The following TAFA1 variants were observed in gnomAD, a reference collection of about 807,000 sequenced individuals.
TAFA1 encodes TAFA chemokine like family member 1.
TAFA1 carries 4 observed loss-of-function variants against 18.5 expected under a neutral mutation model. The observed-to-expected ratio is 0.22, with a 90% CI of 0.11 to 0.49. The LOEUF (loss-of-function observed/expected upper bound fraction) is 0.49. Among genes scored for constraint, TAFA1 ranks in the 20% least tolerant of loss-of-function variants. The probability of loss-of-function intolerance (pLI) is 0.98; values close to 1 mark genes in which losing one functional copy is unlikely to be tolerated. For missense variants in TAFA1, 147 were observed against 169.0 expected (o/e 0.87, Z 0.72); for synonymous variants, 56 against 55.2 (o/e 1.01, Z -0.06).
At chr3:68,291,433 G>GAGT (rs1367531308) in intron 2 of TAFA1, among the ~76,000 whole-genome samples, 2 of 152,072 alleles carry the variant, frequency 1.3e-5, no homozygotes, top group African/African-American at 4.8e-5. Context: ...AAAACAAGGT[G>GAGT]AGTAGTATTG....
At chr3:68,481,044 A>G (rs2072228298) in intron 3 of TAFA1, among the ~76,000 whole-genome samples, 1 of 152,226 alleles carries the variant, frequency 6.6e-6, no homozygotes, top group South Asian at 2.1e-4. Context: ...CTTCCCAGCC[A>G]TGTGGAACTG....
chr3:68,487,267 A>T (rs1451085410), intron 3 of TAFA1, among the ~76,000 whole-genome samples: 1 of 152,226 alleles, frequency 6.6e-6, no homozygotes, highest in Non-Finnish European at 1.5e-5. Context: ...AACCAGCATC[A>T]TCTTTTTTAT....
intron 2 of TAFA1, among the ~76,000 whole-genome samples, chr3:68,065,892 C>A (rs1192520236): frequency 6.6e-6 from 1 of 151,786 alleles, no homozygotes; most frequent in Non-Finnish European, 1.5e-5. Flanking sequence ...TGTGATATAT[C>A]CATACAATAG....
At chr3:68,050,027 G>A (rs1057125947) in intron 2 of TAFA1, among the ~76,000 whole-genome samples, 1 of 152,062 alleles carries the variant, frequency 6.6e-6, no homozygotes, top group Non-Finnish European at 1.5e-5. Context: ...TACTAGTTTT[G>A]TGACTTTGTG....
intron 2 of TAFA1, among the ~76,000 whole-genome samples, chr3:68,146,029 C>A (rs551107045): frequency 6.6e-6 from 1 of 152,226 alleles, no homozygotes; most frequent in Admixed American, 6.5e-5. Context: ...CAGTTTTTTC[C>A]ATAGAATGTT....
chr3:68,131,833 C>G (rs909315537), intron 2 of TAFA1, among the ~76,000 whole-genome samples: 1 of 151,784 alleles, frequency 6.6e-6, no homozygotes, highest in Non-Finnish European at 1.5e-5. Context: ...TGTGTCTCAG[C>G]TTTTTTACCT....
chr3:68,278,359 C>T (rs1241377110), intron 2 of TAFA1, among the ~76,000 whole-genome samples: 3 of 152,124 alleles, frequency 2.0e-5, no homozygotes, highest in Non-Finnish European at 4.4e-5. Context: ...TCCCACTACC[C>T]GTCACCCAGC....
At chr3:68,246,745 T>C in intron 2 of TAFA1, 1 of 152,164 alleles carries the variant, frequency 6.6e-6, no homozygotes, top group East Asian at 1.9e-4. Flanking sequence ...TTCTGTTGCA[T>C]CATAGTGAAG....
chr3:68,334,829 T>C (rs2068943930), intron 2 of TAFA1, among the ~76,000 whole-genome samples: 1 of 152,134 alleles, frequency 6.6e-6, no homozygotes, highest in Non-Finnish European at 1.5e-5. Context: ...GTTTGTTGTA[T>C]CTTCTGAGGG....
intron 3 of TAFA1, among the ~76,000 whole-genome samples, chr3:68,532,198 C>T (rs2073197585): frequency 6.6e-6 from 1 of 152,014 alleles, no homozygotes; most frequent in Non-Finnish European, 1.5e-5. Context: ...TTTACAGCAC[C>T]CTGAGGTTAT....
chr3:68,430,079 G>C (rs983298924), intron 3 of TAFA1, among the ~76,000 whole-genome samples: 11 of 151,894 alleles, frequency 7.2e-5, no homozygotes, highest in African/African-American at 2.7e-4. Context: ...AGTCCAGCAG[G>C]AGAGACAGAC....
intron 3 of TAFA1, among the ~76,000 whole-genome samples, chr3:68,463,855 T>A (rs1037266204): frequency 2.0e-5 from 3 of 152,208 alleles, no homozygotes; most frequent in African/African-American, 7.2e-5. Flanking sequence ...CATAGCCTCC[T>A]GAACAGCCAT....
At chr3:68,289,921 A>G (rs1321457614) in intron 2 of TAFA1, among the ~76,000 whole-genome samples, 2 of 152,218 alleles carry the variant, frequency 1.3e-5, no homozygotes, top group African/African-American at 4.8e-5. Flanking sequence ...TGAGTAAACC[A>G]ATGGACTTGT....
rs376683235 is a variant in TAFA1 at position 68,147,393 on chromosome 3, T to C, written c.118+140649T>C. On this transcript the variant is annotated intron_variant, in intron 2 of 4. Coordinates refer to ENST00000478136, the MANE Select transcript of TAFA1 (RefSeq NM_213609.4). ...GAAAACTCCAAAAAAGGCTGCAAAA[T>C]ATCCCCCCCTCCCAACTTTCTGCTC... Among the ~76,000 whole-genome samples, 13 of 151,828 alleles carry C rather than the reference T, an allele frequency of 8.6e-5. No homozygotes were observed. The East Asian group carries it at 1.9e-3, about 23-fold the overall frequency.
intron 2 of TAFA1, among the ~76,000 whole-genome samples, chr3:68,281,405 A>T (rs2067894818): frequency 6.6e-6 from 1 of 151,978 alleles, no homozygotes; most frequent in South Asian, 2.1e-4. Context: ...GTAGGATATC[A>T]AGCTCTAGGA....
At chr3:68,539,681 G>GC (rs1274955964) in intron 4 of TAFA1, among the ~76,000 whole-genome samples, 3 of 21,684 alleles carry the variant, frequency 1.4e-4, no homozygotes, top group African/African-American at 4.2e-4. Context: ...GTGTGTGTGG[G>GC]GGGGCATGGG....
intron 2 of TAFA1, among the ~76,000 whole-genome samples, chr3:68,274,222 A>G (rs1447061793): frequency 6.6e-6 from 1 of 152,162 alleles, no homozygotes; most frequent in Non-Finnish European, 1.5e-5. Context: ...CAGATTCTGA[A>G]TGTTAAGTTT....
chr3:68,048,178 A>G (rs1488236315), intron 2 of TAFA1, among the ~76,000 whole-genome samples: 1 of 152,242 alleles, frequency 6.6e-6, no homozygotes, highest in Middle Eastern at 3.4e-3. Context: ...TCTGCAAATC[A>G]TTAATATTAA....
chr3:68,468,027 C>G (rs1171602080), intron 3 of TAFA1, among the ~76,000 whole-genome samples: 1 of 152,132 alleles, frequency 6.6e-6, no homozygotes, highest in Non-Finnish European at 1.5e-5. Context: ...ACTGTGATGT[C>G]AAGATATGAT....
Sources: gnomAD v4.1 joint callset for allele counts (sites outside exome capture counted in the v4.1 genomes callset) on GRCh38, gnomAD v4.1.1 for gene constraint, MANE v1.5 for transcripts, NCBI Gene and HGNC (gene_info 2026-07-23, HGNC 2026-07-21) for gene names.